XKR6: variants seen among roughly 807,000 people sequenced by gnomAD.
The protein encoded by XKR6 is XK-related protein 6.
Under a neutral mutation model 56.7 loss-of-function variants are expected in XKR6, and 22 were observed. That is an observed-to-expected ratio of 0.39 (90% confidence interval 0.28 to 0.55). The LOEUF (loss-of-function observed/expected upper bound fraction) is 0.55. Ranked by LOEUF, XKR6 falls within the 20% of genes least tolerant of loss-of-function variation. The probability of loss-of-function intolerance (pLI) is 0.66; values close to 1 mark genes in which losing one functional copy is unlikely to be tolerated. For missense variants in XKR6, 852 were observed against 889.0 expected (o/e 0.96, Z 0.53); for synonymous variants, 524 against 387.8 (o/e 1.35, Z -4.13).
At chr8:11,130,453 G>C (rs764507619) in intron 1 of XKR6, among the ~76,000 whole-genome samples, 2 of 152,032 alleles carry the variant, frequency 1.3e-5, no homozygotes, top group African/African-American at 2.4e-5. Context: ...GCGAGAACCG[G>C]GACGTGTGTG....
chr8:11,071,117 C>G (rs1039177650), intron 1 of XKR6, among the ~76,000 whole-genome samples: 1 of 152,208 alleles, frequency 6.6e-6, no homozygotes, highest in Non-Finnish European at 1.5e-5. Context: ...ATACTCATAT[C>G]ACATTCTCAA....
At chr8:11,085,470 G>C (rs1161697952) in intron 1 of XKR6, among the ~76,000 whole-genome samples, 1 of 151,914 alleles carries the variant, frequency 6.6e-6, no homozygotes, top group Non-Finnish European at 1.5e-5. Flanking sequence ...GTATGTGCAT[G>C]TGTGTGTGTG....
chr8:11,151,793 C>G (rs915419695), intron 1 of XKR6, among the ~76,000 whole-genome samples: 1 of 151,910 alleles, frequency 6.6e-6, no homozygotes, highest in Non-Finnish European at 1.5e-5. Flanking sequence ...AATGCTATTA[C>G]AAATCAGCTT....
chr8:10,900,966 C>T (rs748010690), intron 2 of XKR6, among the ~76,000 whole-genome samples: 25 of 150,580 alleles, frequency 1.7e-4, no homozygotes, highest in Admixed American at 4.0e-4. Flanking sequence ...GTGATCCTCC[C>T]GTCTCCCATA....
intron 1 of XKR6, among the ~76,000 whole-genome samples, chr8:10,983,902 G>A (rs544180736): frequency 6.6e-6 from 1 of 152,118 alleles, no homozygotes; most frequent in African/African-American, 2.4e-5. Context: ...TGATTCGCCT[G>A]CCTTGGCCTC....
At chr8:11,050,465 G>C (rs1327232700) in intron 1 of XKR6, among the ~76,000 whole-genome samples, 1 of 151,268 alleles carries the variant, frequency 6.6e-6, no homozygotes, top group Non-Finnish European at 1.5e-5. Flanking sequence ...ATGAGAAAAA[G>C]ACAAGTTTGT....
intron 1 of XKR6, among the ~76,000 whole-genome samples, chr8:10,983,370 C>T (rs982536655): frequency 1.1e-4 from 17 of 152,064 alleles, no homozygotes; most frequent in African/African-American, 4.1e-4. Flanking sequence ...TAAAGGAAGC[C>T]TGCAAGGCCT....
At position 11,201,222 on chromosome 8, in the gene XKR6, C is replaced by A. The variant is rs775773148; in HGVS notation, c.118G>T (p.Gly40Cys). ...EDGEPGGGGC[G>C]GGGDGSEPGE... The stretch of plus-strand genomic sequence containing the variant: ...GGCTCGCTGCCGTCGCCGCCGCCGC[C>A]GCAGCCGCCTCCCCCGGGCTCCCCG... Residue 40 changes from glycine to cysteine, a missense_variant, in exon 1 of 3, where the codon GGC (glycine) becomes TGC (cysteine). Physicochemically the swap from Gly to Cys is radical, Grantham distance 159. Around this residue, in one of 4 missense-constraint regions of XKR6, gnomAD observed 417 missense variants for 355.2 expected, o/e 1.17. Transcript: ENST00000416569. 1 of 1,539,816 alleles carries A rather than the reference C, an allele frequency of 6.5e-7. No individual in the cohort carries two copies.
intron 1 of XKR6, among the ~76,000 whole-genome samples, chr8:11,070,145 T>A (rs1159749758): frequency 6.6e-6 from 1 of 152,184 alleles, no homozygotes. Flanking sequence ...AAGAAGACCC[T>A]CAGGGCAGTG....
At chr8:11,165,159 G>T (rs1295077402) in intron 1 of XKR6, among the ~76,000 whole-genome samples, 1 of 135,878 alleles carries the variant, frequency 7.4e-6, no homozygotes, top group Non-Finnish European at 1.5e-5. Flanking sequence ...GAGTGCAATG[G>T]CACGATCTTG....
chr8:11,121,013 T>C (rs1207694974), intron 1 of XKR6, among the ~76,000 whole-genome samples: 1 of 152,206 alleles, frequency 6.6e-6, no homozygotes, highest in Non-Finnish European at 1.5e-5. Flanking sequence ...GATCCCTTCC[T>C]TACACCTTAG....
chr8:11,031,836 T>C (rs770194477), intron 1 of XKR6, among the ~76,000 whole-genome samples: 2 of 152,228 alleles, frequency 1.3e-5, no homozygotes, highest in African/African-American at 4.8e-5. Context: ...GAATGGAAAG[T>C]ACTGATGCAG....
chr8:11,092,465 T>G (rs1798104237), intron 1 of XKR6, among the ~76,000 whole-genome samples: 4 of 152,106 alleles, frequency 2.6e-5, no homozygotes, highest in Admixed American at 2.6e-4. Flanking sequence ...CCCTCTAGGT[T>G]TAGGGGGGTA....
chr8:11,102,059 T>G (rs1479028053), intron 1 of XKR6, among the ~76,000 whole-genome samples: 4 of 152,162 alleles, frequency 2.6e-5, no homozygotes, highest in African/African-American at 7.2e-5. Context: ...TCTGGATGGG[T>G]CCAGGAGTGG....
chr8:11,098,668 T>C (rs898841666), intron 1 of XKR6, among the ~76,000 whole-genome samples: 2 of 152,228 alleles, frequency 1.3e-5, no homozygotes, highest in African/African-American at 2.4e-5. Flanking sequence ...ACCTCTTTTA[T>C]AGTATGTGGA....
chr8:10,969,413 T>C (rs2129133414), intron 1 of XKR6, among the ~76,000 whole-genome samples: 1 of 152,282 alleles, frequency 6.6e-6, no homozygotes, highest in East Asian at 1.9e-4. Flanking sequence ...AAAAGGACTG[T>C]CCAGGAATAG....
At chr8:11,007,811 C>T (rs958894475) in intron 1 of XKR6, among the ~76,000 whole-genome samples, 10 of 152,144 alleles carry the variant, frequency 6.6e-5, no homozygotes, top group African/African-American at 2.4e-4. Flanking sequence ...CCTGCAGCTC[C>T]CCTTCTCCTC....
At chr8:11,173,492 C>A (rs1802491183) in intron 1 of XKR6, among the ~76,000 whole-genome samples, 1 of 151,906 alleles carries the variant, frequency 6.6e-6, no homozygotes, top group African/African-American at 2.4e-5. Context: ...GAACATGATT[C>A]TGGAGCCAGA....
intron 1 of XKR6, among the ~76,000 whole-genome samples, chr8:11,032,396 CAG>C (rs1321014939): frequency 6.6e-6 from 1 of 152,148 alleles, no homozygotes; most frequent in Admixed American, 6.5e-5. Flanking sequence ...GTGTGAAAGA[CAG>C]AGTGTGTGTG....
Sources: allele counts gnomAD v4.1 joint callset (sites outside exome capture counted in the v4.1 genomes callset), GRCh38; gene constraint gnomAD v4.1.1; regional missense constraint gnomAD v4.1.1; transcripts MANE v1.5; gene names NCBI Gene and HGNC (gene_info 2026-07-23, HGNC 2026-07-21).